The following STOX2 variants were observed in gnomAD, a reference collection of about 807,000 sequenced individuals.
STOX2 encodes storkhead-box protein 2.
In STOX2, 28 loss-of-function variants were observed where a neutral mutation model predicts 60.9. The observed-to-expected ratio is 0.46, with a 90% CI of 0.34 to 0.63. The LOEUF (loss-of-function observed/expected upper bound fraction) is 0.63, where lower values mean the gene tolerates loss of function less well. Among genes scored for constraint, STOX2 ranks in the 30% least tolerant of loss-of-function variants. STOX2 has a pLI of 0.01. For synonymous variants in STOX2, 472 were observed against 463.9 expected, an observed-to-expected ratio of 1.02 and a Z score of -0.22; for missense variants, 1,024 against 1,187.7, an observed-to-expected ratio of 0.86 and a Z score of 2.03.
chr4:183,829,203 G>T (rs1439253019), intron 1 of STOX2, among the ~76,000 whole-genome samples: 1 of 152,174 alleles, frequency 6.6e-6, no homozygotes, highest in Non-Finnish European at 1.5e-5. Context: ...TTTGATGAGA[G>T]AAATTATATT....
At position 183,860,449 on chromosome 4, in the gene STOX2, A is replaced by AC. The variant is rs1173360785; in HGVS notation, c.364+62394_364+62395insC. On this transcript the variant is annotated intron_variant, in intron 1 of 2. Coordinates refer to the STOX2 transcript ENST00000513034. Reference sequence around the variant, plus strand: ...CAAACAAAAAACAAAAAACAAAAAAAAAAAAAAAAGAAGAAAAAGAAGAAA... The same window carrying AC: ...CAAACAAAAAACAAAAAACAAAAAAACAAAAAAAAAGAAGAAAAAGAAGAAA... 3.3e-5 allele frequency among the ~76,000 whole-genome samples: 5 copies of AC among 149,772 alleles called. No homozygotes were observed. In the East Asian group the frequency reaches 1.0e-3, roughly 31 times the overall value.
intron 1 of STOX2, among the ~76,000 whole-genome samples, chr4:183,883,947 GT>G (rs1337483259): frequency 1.3e-5 from 2 of 151,778 alleles, no homozygotes; most frequent in Non-Finnish European, 2.9e-5. Context: ...CGCCTCCTGG[GT>G]TCAAGTGATT....
At chr4:183,907,776 T>C (rs1160377879) in intron 1 of STOX2, among the ~76,000 whole-genome samples, 1 of 152,212 alleles carries the variant, frequency 6.6e-6, no homozygotes, top group Non-Finnish European at 1.5e-5. Context: ...TTGAGGGAAA[T>C]GCTGAAGGAG....
At chr4:183,816,184 C>G (rs534805602) in intron 1 of STOX2, among the ~76,000 whole-genome samples, 1 of 152,166 alleles carries the variant, frequency 6.6e-6, no homozygotes, top group African/African-American at 2.4e-5. Flanking sequence ...TTTTTAAAAG[C>G]TGAGCAGTGG....
At chr4:183,843,616 G>A (rs953589902) in intron 1 of STOX2, among the ~76,000 whole-genome samples, 9 of 152,236 alleles carry the variant, frequency 5.9e-5, no homozygotes, top group East Asian at 3.8e-4. Context: ...TCGCATGAGC[G>A]TGGCTGTGTT....
chr4:183,968,383 GAA>G (rs1686951655), intron 1 of STOX2, among the ~76,000 whole-genome samples: 2 of 126,248 alleles, frequency 1.6e-5, no homozygotes, highest in African/African-American at 3.4e-5. Flanking sequence ...CACACACAAA[GAA>G]GAGCATAATT....
At chr4:184,002,353 G>T (rs1053982461) in intron 2 of STOX2, among the ~76,000 whole-genome samples, 12 of 152,244 alleles carry the variant, frequency 7.9e-5, no homozygotes, top group African/African-American at 2.9e-4. Flanking sequence ...GGGAACGTTT[G>T]CTATATTTCT....
At chr4:183,987,431 T>C (rs1732894384) in intron 1 of STOX2, among the ~76,000 whole-genome samples, 1 of 152,134 alleles carries the variant, frequency 6.6e-6, no homozygotes, top group Non-Finnish European at 1.5e-5. Flanking sequence ...GTGGCACCCG[T>C]AGTGCAATGA....
At chr4:183,835,496 T>C (rs1033460060) in intron 1 of STOX2, among the ~76,000 whole-genome samples, 2 of 152,190 alleles carry the variant, frequency 1.3e-5, no homozygotes, top group African/African-American at 2.4e-5. Context: ...AGTGCTGGGA[T>C]TACAGGCGTG....
At position 183,856,142 on chromosome 4, in the gene STOX2, C is replaced by T. The variant is rs971752102; in HGVS notation, c.364+58087C>T. Among the ~76,000 whole-genome samples the T allele has an allele frequency of 6.6e-6, 1 of 151,946 alleles. No homozygotes were observed. The highest frequency in any genetic ancestry group is 1.5e-5 in the Non-Finnish European group (1 of 67,932). On this transcript the variant is annotated intron_variant, in intron 1 of 2. Transcript: ENST00000513034. This position sits in a 1 kb window ranked among gnomAD's most constrained non-coding sequence, Gnocchi z 4.0. ...TGCGCACCCTGGGGTCTCGAATAGG[C>T]TGGTCACAGATTTCTAGGACACTGA... is the stretch of plus-strand genomic sequence containing the variant.
chr4:183,802,282 C>T (rs1025012116), intron 1 of STOX2, among the ~76,000 whole-genome samples: 2 of 152,246 alleles, frequency 1.3e-5, no homozygotes, highest in Non-Finnish European at 2.9e-5. Flanking sequence ...ACATGGGCAT[C>T]AAGATTTTAT....
intron 1 of STOX2, among the ~76,000 whole-genome samples, chr4:183,804,101 C>T (rs574521860): frequency 5.9e-5 from 9 of 152,008 alleles, no homozygotes; most frequent in East Asian, 1.9e-4. Flanking sequence ...TATTGATCAC[C>T]GACTATTTTC....
upstream of STOX2, among the ~76,000 whole-genome samples, chr4:183,901,079 C>T (rs1741449389): frequency 6.6e-6 from 1 of 152,172 alleles, no homozygotes; most frequent in African/African-American, 2.4e-5. Flanking sequence ...CACCTTTCCT[C>T]CAGCCCCTGG....
At chr4:183,957,487 A>G (rs559089338) in intron 1 of STOX2, among the ~76,000 whole-genome samples, 2 of 137,090 alleles carry the variant, frequency 1.5e-5, no homozygotes, top group African/African-American at 6.3e-5. Flanking sequence ...CATTTGTTGA[A>G]CGAAAATAAG....
At chr4:183,864,548 C>A (rs925512049) in intron 1 of STOX2, among the ~76,000 whole-genome samples, 1 of 152,086 alleles carries the variant, frequency 6.6e-6, no homozygotes, top group African/African-American at 2.4e-5. Flanking sequence ...CGCCCACCAC[C>A]ATGCCTGGCT....
At chr4:183,900,088 G>T (rs1741430882) in intron 1 of STOX2, among the ~76,000 whole-genome samples, 1 of 152,154 alleles carries the variant, frequency 6.6e-6, no homozygotes, top group African/African-American at 2.4e-5. Flanking sequence ...CATCACATCT[G>T]GTTACAACAT....
At chr4:183,868,653 C>T (rs539581212) in intron 1 of STOX2, among the ~76,000 whole-genome samples, 9 of 152,250 alleles carry the variant, frequency 5.9e-5, no homozygotes, top group South Asian at 2.1e-4. Context: ...GTGACCCTGA[C>T]GGCTGGAAAA....
At chr4:183,889,720 G>T (rs1372170454) in intron 1 of STOX2, among the ~76,000 whole-genome samples, 1 of 152,218 alleles carries the variant, frequency 6.6e-6, no homozygotes, top group African/African-American at 2.4e-5. Context: ...GCTGGGGCAC[G>T]GCAGGCCTGA....
In STOX2 at chr4:183,818,027, T is replaced by C. The variant is rs536403283; in HGVS notation, c.364+19972T>C. ...ACCCTCAGCATTAAAAAAAATTACATGACAAGAAAAAATATGTATGTTTCA... is the reference window on the plus strand; with the variant it reads ...ACCCTCAGCATTAAAAAAAATTACACGACAAGAAAAAATATGTATGTTTCA... On this transcript the variant is annotated intron_variant, in intron 1 of 2. Coordinates refer to the STOX2 transcript ENST00000513034. Among the ~76,000 whole-genome samples, 12 of 152,182 alleles carry C rather than the reference T, an allele frequency of 7.9e-5. No individual in the cohort carries two copies. The South Asian group carries it at 1.2e-3, about 16-fold the overall frequency.
Sources: allele counts gnomAD v4.1 joint callset (sites outside exome capture counted in the v4.1 genomes callset), GRCh38; gene constraint gnomAD v4.1.1; non-coding constraint Gnocchi (gnomAD v3.1); transcripts MANE v1.5; gene names NCBI Gene and HGNC (gene_info 2026-07-23, HGNC 2026-07-21).